Variants in PTBP3 observed in about 807,000 individuals in gnomAD.
The protein encoded by PTBP3 is polypyrimidine tract binding protein 3, also known as polypyrimidine tract-binding protein 3.
In PTBP3, 20 loss-of-function variants were observed where a neutral mutation model predicts 58.7. That is an observed-to-expected ratio of 0.34 (90% CI 0.24 to 0.50). The LOEUF (loss-of-function observed/expected upper bound fraction) is 0.50. Ranked by LOEUF, PTBP3 falls within the 20% of genes least tolerant of loss-of-function variation. The pLI, the probability that PTBP3 is intolerant of heterozygous loss-of-function variation, is 0.98. For synonymous variants in PTBP3, 185 were observed against 219.8 expected (o/e 0.84, Z 1.40); for missense variants, 509 against 637.2 (o/e 0.80, Z 2.17).
chr9:112,341,446 A>T, the PTBP3 span, among the ~76,000 whole-genome samples: 129,180 of 152,144 alleles, frequency 0.85, 55,253 homozygotes, highest in African/African-American at 0.95. Flanking sequence ...GTAGAATTTT[A>T]TTCCCTTGTT....
At chr9:112,227,115 C>T (rs571458956) in intron 12 of PTBP3, among the ~76,000 whole-genome samples, 1 of 152,206 alleles carries the variant, frequency 6.6e-6, no homozygotes, top group South Asian at 2.1e-4. Context: ...TGGACAAATA[C>T]GTGCCAATGG....
At chr9:112,234,969 G>T in intron 7 of PTBP3, 72 bp from the exon 8 acceptor site, 1 of 1,311,032 alleles carries the variant, frequency 7.6e-7, no homozygotes, top group Non-Finnish European at 1.1e-6. Context: ...ATATAAAATG[G>T]CTCTATGAAA....
chr9:112,348,169 A>G, the PTBP3 span, among the ~76,000 whole-genome samples: 12 of 152,352 alleles, frequency 7.9e-5, no homozygotes, highest in Admixed American at 1.3e-4. Flanking sequence ...TAGAGTAGGT[A>G]GTTAGGCAGG....
At chr9:112,305,765 C>T (rs1375614263) in intron 1 of PTBP3, among the ~76,000 whole-genome samples, 1 of 152,008 alleles carries the variant, frequency 6.6e-6, no homozygotes, top group Non-Finnish European at 1.5e-5. Flanking sequence ...ACGGTGTAAC[C>T]CCGTCTCTAC....
chr9:112,253,538 T>C (rs1174328632), intron 5 of PTBP3, among the ~76,000 whole-genome samples: 2 of 152,110 alleles, frequency 1.3e-5, no homozygotes, highest in Non-Finnish European at 1.5e-5. Flanking sequence ...AAGGACTAAA[T>C]AGGGGGGATA....
At chr9:112,249,686 T>C (rs923558463) in intron 7 of PTBP3, among the ~76,000 whole-genome samples, 3 of 152,130 alleles carry the variant, frequency 2.0e-5, no homozygotes, top group Non-Finnish European at 4.4e-5. Context: ...GAAATCAAAA[T>C]TCTTAACATA....
intron 1 of PTBP3, among the ~76,000 whole-genome samples, chr9:112,303,420 T>C (rs775653730): frequency 3.9e-5 from 6 of 152,204 alleles, no homozygotes; most frequent in Non-Finnish European, 5.9e-5. Flanking sequence ...TTGTCAAATA[T>C]GTACACAAAG....
At chr9:112,235,427 A>G (rs1329444813) in intron 7 of PTBP3, among the ~76,000 whole-genome samples, 1 of 152,188 alleles carries the variant, frequency 6.6e-6, no homozygotes, top group Non-Finnish European at 1.5e-5. Context: ...AACCTGAGCC[A>G]GATATTATGT....
intron 1 of PTBP3, among the ~76,000 whole-genome samples, chr9:112,315,139 C>T (rs895316784): frequency 2.4e-4 from 36 of 152,032 alleles, no homozygotes; most frequent in African/African-American, 8.7e-4. Flanking sequence ...CCCCCACTGA[C>T]ATTTAAAAGG....
chr9:112,302,109 GA>G (rs903668351), intron 1 of PTBP3, among the ~76,000 whole-genome samples: 9 of 151,844 alleles, frequency 5.9e-5, no homozygotes, highest in African/African-American at 2.2e-4. Context: ...AGAACAAAAA[GA>G]AAAGAAAGGA....
At position 112,295,683 on chromosome 9, in the gene PTBP3, A is replaced by G. The variant is rs189135161; in HGVS notation, c.34+2149T>C. ...CCATTAATTCCTAAGATACATTTTA[A>G]AAGAAAACTATGTGATTTATATGGA... On this transcript the variant is annotated intron_variant, in intron 2 of 13. Transcript: ENST00000374257. Among the ~76,000 whole-genome samples, 234 of 152,208 alleles carry G rather than the reference A, an allele frequency of 1.5e-3. 1 individual carries two copies. Among genetic ancestry groups the G allele is most frequent in the African/African-American group, 5.5e-3 (227 of 41,528 alleles).
chr9:112,258,140 T>A (rs1589832388), intron 5 of PTBP3, among the ~76,000 whole-genome samples: 1 of 152,322 alleles, frequency 6.6e-6, no homozygotes, highest in South Asian at 2.1e-4. Flanking sequence ...TTTATTACAA[T>A]TCAAAAAGAT....
intron 2 of PTBP3, among the ~76,000 whole-genome samples, chr9:112,297,142 T>C (rs1421199537): frequency 6.6e-6 from 1 of 152,208 alleles, no homozygotes; most frequent in Non-Finnish European, 1.5e-5. Flanking sequence ...CGTAAATTAC[T>C]TCAATTTTTA....
chr9:112,292,554 G>A (rs1025567749), intron 2 of PTBP3, among the ~76,000 whole-genome samples: 1 of 152,042 alleles, frequency 6.6e-6, no homozygotes, highest in Non-Finnish European at 1.5e-5. Flanking sequence ...ACAGATGAAT[G>A]GATAAATAAA....
intron 2 of PTBP3, among the ~76,000 whole-genome samples, chr9:112,278,992 T>C (rs1827741217): frequency 6.6e-6 from 1 of 152,204 alleles, no homozygotes. Context: ...TTGATGTCCT[T>C]ATTTGCCATA....
chr9:112,349,812 C>T, the PTBP3 span, among the ~76,000 whole-genome samples: 30 of 133,062 alleles, frequency 2.3e-4, no homozygotes, highest in Non-Finnish European at 3.5e-4. Flanking sequence ...TGCGGTGAAC[C>T]GAGATTGCGC....
At chr9:112,308,220 T>C (rs1185618778) in intron 1 of PTBP3, among the ~76,000 whole-genome samples, 2 of 152,060 alleles carry the variant, frequency 1.3e-5, no homozygotes, top group African/African-American at 4.8e-5. Flanking sequence ...AGGGATGTGG[T>C]CTCACTTCGT....
At chr9:112,351,687 T>C in the PTBP3 span, among the ~76,000 whole-genome samples, 1 of 152,214 alleles carries the variant, frequency 6.6e-6, no homozygotes, top group African/African-American at 2.4e-5. Flanking sequence ...CAGTATGGAC[T>C]CATGAATATT....
chr9:112,307,450 C>A (rs1415529223), intron 1 of PTBP3, among the ~76,000 whole-genome samples: 1 of 151,480 alleles, frequency 6.6e-6, no homozygotes, highest in Non-Finnish European at 1.5e-5. Context: ...AGACCCTGTC[C>A]CAAAATAAAA....
Sources: allele counts gnomAD v4.1 joint callset (sites outside exome capture counted in the v4.1 genomes callset), GRCh38; gene constraint gnomAD v4.1.1; transcripts MANE v1.5; gene names NCBI Gene and HGNC (gene_info 2026-07-23, HGNC 2026-07-21).